The following ZFP64 variants were observed in gnomAD, a reference collection of about 807,000 sequenced individuals.
The protein encoded by ZFP64 is ZFP64 zinc finger protein.
ZFP64 carries 14 observed loss-of-function variants against 51.6 expected under a neutral mutation model. The ratio of observed to expected loss-of-function variants is 0.27; its 90% CI spans 0.18 to 0.42. The LOEUF is 0.42. Ranked by LOEUF, ZFP64 falls within the 10% of genes least tolerant of loss-of-function variation. The pLI is 1.00. For missense variants in ZFP64, 754 were observed against 906.8 expected (o/e 0.83, Z 2.16); for synonymous variants, 375 against 361.4 (o/e 1.04, Z -0.43).
chr20:52,163,477 A>AT (rs1981995370), intron 4 of ZFP64, among the ~76,000 whole-genome samples: 2 of 152,264 alleles, frequency 1.3e-5, no homozygotes, highest in African/African-American at 4.8e-5. Context: ...GGAGAGTTTA[A>AT]TTGCTTATTA....
intron 7 of ZFP64, among the ~76,000 whole-genome samples, chr20:52,095,178 C>T (rs1341731531): frequency 1.3e-5 from 2 of 152,232 alleles, no homozygotes; most frequent in African/African-American, 2.4e-5. Context: ...GTAACAGAAC[C>T]TTCTTTGCAG....
chr20:52,113,843 A>G (rs1978730780), intron 5 of ZFP64, among the ~76,000 whole-genome samples: 1 of 152,188 alleles, frequency 6.6e-6, no homozygotes, highest in South Asian at 2.1e-4. Flanking sequence ...AGAAGTAACC[A>G]GAAAATGTAC....
chr20:52,089,443 A>G (rs543029656), intron 7 of ZFP64, among the ~76,000 whole-genome samples: 1 of 152,308 alleles, frequency 6.6e-6, no homozygotes, highest in South Asian at 2.1e-4. Flanking sequence ...AATGTACAAC[A>G]TCAAGAGTGA....
At chr20:52,165,276 C>T (rs1264908742) in intron 3 of ZFP64, 3 of 456,070 alleles carry the variant, frequency 6.6e-6, no homozygotes, top group Non-Finnish European at 1.3e-5. Flanking sequence ...GATGATTGTC[C>T]TGTGGTTATT....
chr20:52,140,830 T>C lies in ZFP64; in HGVS notation c.763+19293A>G, dbSNP rs373115333. Reference sequence around the variant, plus strand: ...AAGAAGATACCATCTAGGATGTTCATAGCTAGAGGGGAGAAGTCAATGTCT... The same window carrying C: ...AAGAAGATACCATCTAGGATGTTCACAGCTAGAGGGGAGAAGTCAATGTCT... On this transcript the variant is annotated intron_variant, in intron 5 of 8. Transcript: ENST00000361387. Among the ~76,000 whole-genome samples, 62 of 152,278 alleles carry C rather than the reference T, an allele frequency of 4.1e-4. 1 individual carries two copies. The South Asian group carries it at 0.013, about 32-fold the overall frequency.
At chr20:52,142,548 A>G (rs974208786) in intron 5 of ZFP64, among the ~76,000 whole-genome samples, 3 of 152,006 alleles carry the variant, frequency 2.0e-5, no homozygotes, top group African/African-American at 7.2e-5. Context: ...ATACCAAAAA[A>G]GGCAAAAAAG....
intron 3 of ZFP64, chr20:52,165,353 G>A (rs911283213): frequency 2.2e-6 from 1 of 455,408 alleles, no homozygotes; most frequent in African/African-American, 2.0e-5. Context: ...GCATCACATT[G>A]TCAGCAACTT....
chr20:52,118,287 A>T (rs1173934728), intron 5 of ZFP64, among the ~76,000 whole-genome samples: 2 of 150,782 alleles, frequency 1.3e-5, no homozygotes, highest in East Asian at 3.9e-4. Context: ...TGTTTGGGCA[A>T]CAACATGGAT....
chr20:52,137,812 A>G (rs1980049521), intron 5 of ZFP64, among the ~76,000 whole-genome samples: 1 of 152,116 alleles, frequency 6.6e-6, no homozygotes, highest in Non-Finnish European at 1.5e-5. Flanking sequence ...TTAATGGAAG[A>G]TTGAGGCACG....
Position 52,152,098 on chromosome 20 carries a change from T to C in ZFP64, c.*48A>G. On this transcript the variant is annotated 3_prime_UTR_variant, in exon 6 of 6. Transcript: ENST00000216923. Reference sequence around the variant, plus strand: ...ACCTTTTAGAGAATTCTACTTAAGATTTCTTTTTCTCAATTCCTTTCCCCC... The same window carrying C: ...ACCTTTTAGAGAATTCTACTTAAGACTTCTTTTTCTCAATTCCTTTCCCCC... The C allele has an allele frequency of 6.4e-7, 1 of 1,569,350 alleles. No individual in the cohort carries two copies. Among genetic ancestry groups the C allele is most frequent in the Non-Finnish European group, 8.6e-7 (1 of 1,158,918 alleles).
chr20:52,085,129 T>G lies in ZFP64; in HGVS notation c.1366A>C (p.Asn456His). ...TTGATGCGGATGTGCGATTTGAGAT[T>G]CGCCTTCATGGTGCAGCGGACGTCG... The change falls in exon 9 of 9, where the codon AAT (asparagine) becomes CAT (histidine). Residue 456 changes from asparagine to histidine, a missense_variant. Transcript: ENST00000361387. This position sits in a 1 kb window ranked among gnomAD's most constrained non-coding sequence, Gnocchi z 4.3. 6.2e-7 allele frequency: 1 copy of G among 1,614,244 alleles called. No individual in the cohort carries two copies. The highest frequency in any genetic ancestry group is 8.5e-7 in the Non-Finnish European group (1 of 1,180,040).
chr20:52,122,518 A>G (rs1321837077), intron 5 of ZFP64, among the ~76,000 whole-genome samples: 1 of 152,054 alleles, frequency 6.6e-6, no homozygotes, highest in East Asian at 1.9e-4. Context: ...AAAAAAAAAA[A>G]AAAAGAAATA....
In ZFP64 at chr20:52,152,133, G is replaced by GT. The variant is rs3838014; in HGVS notation, c.*12dup. ...TCAATTCCTTTCCCCCACTCCTTTT[G>GT]TTTTTTTAAGCACTAATCTGGAATG... On this transcript the variant is annotated 3_prime_UTR_variant, in exon 6 of 6. Transcript: ENST00000216923. The GT allele has an allele frequency of 4.4e-6, 7 of 1,601,958 alleles. No individual in the cohort carries two copies. The highest frequency in any genetic ancestry group is 4.5e-5 in the East Asian group (2 of 44,588).
At chr20:52,179,901 G>A (rs1869696603) in intron 2 of ZFP64, among the ~76,000 whole-genome samples, 1 of 152,186 alleles carries the variant, frequency 6.6e-6, no homozygotes, top group Non-Finnish European at 1.5e-5. Flanking sequence ...GGGAAAGAAG[G>A]CTAGACAGAG....
At chr20:52,103,828 AGCTC>A (rs1254020464) in intron 5 of ZFP64, among the ~76,000 whole-genome samples, 5 of 152,212 alleles carry the variant, frequency 3.3e-5, no homozygotes, top group Non-Finnish European at 7.3e-5. Flanking sequence ...TGGTTATGGT[AGCTC>A]CACTCGAGCA....
In ZFP64 at chr20:52,117,976, T is replaced by C. The variant is rs144205094; in HGVS notation, c.764-19389A>G. Among the ~76,000 whole-genome samples the C allele has an allele frequency of 4.0e-3, 601 of 151,934 alleles. 6 individuals carry two copies. Among genetic ancestry groups the C allele is most frequent in the African/African-American group, 0.014 (560 of 41,444 alleles). On this transcript the variant is annotated intron_variant, in intron 5 of 8. Transcript: ENST00000361387. Reference sequence around the variant, plus strand: ...GCACCCAGCATATTTTTTTTTTGGTTTGGGAGAGACAAGGTCTCACTACAT... The same window carrying C: ...GCACCCAGCATATTTTTTTTTTGGTCTGGGAGAGACAAGGTCTCACTACAT...
downstream of ZFP64, among the ~76,000 whole-genome samples, chr20:52,150,073 C>T (rs1192412083): frequency 1.3e-5 from 2 of 151,812 alleles, no homozygotes; most frequent in Non-Finnish European, 2.9e-5. Context: ...GACTTGGTTG[C>T]GGGTGCCTAG....
downstream of ZFP64, among the ~76,000 whole-genome samples, chr20:52,149,118 G>A (rs1980666585): frequency 1.3e-5 from 2 of 152,168 alleles, no homozygotes. Context: ...GTGCACAAAG[G>A]CCAGATAACC....
chr20:52,135,257 G>A (rs945960324), intron 5 of ZFP64, among the ~76,000 whole-genome samples: 9 of 152,194 alleles, frequency 5.9e-5, no homozygotes, highest in Non-Finnish European at 1.0e-4. Context: ...CAATGCCTAT[G>A]AATGGAATTT....
Sources: gnomAD v4.1 joint callset for allele counts (sites outside exome capture counted in the v4.1 genomes callset) on GRCh38, gnomAD v4.1.1 for gene constraint, Gnocchi (gnomAD v3.1) non-coding constraint, MANE v1.5 for transcripts, NCBI Gene and HGNC (gene_info 2026-07-23, HGNC 2026-07-21) for gene names.